Variants in XPR1 observed in about 807,000 individuals in gnomAD.
XPR1 encodes the protein xenotropic and polytropic retrovirus receptor 1, also known as solute carrier family 53 member 1.
In XPR1, 28 loss-of-function variants were observed where a neutral mutation model predicts 87.5. The ratio of observed to expected loss-of-function variants is 0.32; its 90% CI spans 0.24 to 0.44. XPR1 has a LOEUF of 0.44. Ranked by LOEUF, XPR1 falls within the 20% of genes least tolerant of loss-of-function variation. The pLI is 1.00. For synonymous variants in XPR1, 300 were observed against 306.1 expected, an observed-to-expected ratio of 0.98 and a Z score of 0.21; for missense variants, 559 against 862.3, an observed-to-expected ratio of 0.65 and a Z score of 4.41.
chr1:180,825,000 A>C, intron 8 of XPR1, 57 bp downstream of exon 8: 1 of 1,563,062 alleles, frequency 6.4e-7, no homozygotes, highest in Non-Finnish European at 8.7e-7. Flanking sequence ...CTATATAGCT[A>C]TCTGGTTTAG....
chr1:180,686,336 A>C (rs1345654088), intron 2 of XPR1, among the ~76,000 whole-genome samples: 1 of 152,100 alleles, frequency 6.6e-6, no homozygotes, highest in Admixed American at 6.5e-5. Context: ...GTTTGATTGC[A>C]CTGTGGTCTG....
chr1:180,817,284 T>G (rs1184076597), intron 7 of XPR1, among the ~76,000 whole-genome samples: 1 of 151,794 alleles, frequency 6.6e-6, no homozygotes, highest in Non-Finnish European at 1.5e-5. Context: ...AAGGTTAATT[T>G]ATTATTGAAG....
chr1:180,683,405 G>A (rs889963881), intron 2 of XPR1, among the ~76,000 whole-genome samples: 1 of 152,104 alleles, frequency 6.6e-6, no homozygotes, highest in Admixed American at 6.5e-5. Flanking sequence ...TTGCTATTGT[G>A]AATAGTGCTG....
intron 2 of XPR1, among the ~76,000 whole-genome samples, chr1:180,703,081 T>C (rs1195559122): frequency 6.6e-6 from 1 of 152,188 alleles, no homozygotes; most frequent in Non-Finnish European, 1.5e-5. Flanking sequence ...AGTTTCTCAT[T>C]GGCTTAGACT....
chr1:180,676,378 C>A (rs1205661083), intron 1 of XPR1, among the ~76,000 whole-genome samples: 4 of 152,146 alleles, frequency 2.6e-5, no homozygotes, highest in African/African-American at 4.8e-5. Context: ...ACATTTGAAT[C>A]TCTGATATTA....
At chr1:180,832,146 G>A (rs1651088760) in intron 9 of XPR1, among the ~76,000 whole-genome samples, 2 of 152,216 alleles carry the variant, frequency 1.3e-5, no homozygotes, top group African/African-American at 4.8e-5. Context: ...CTAATGACCA[G>A]TAATGATGAG....
chr1:180,632,133 T>G lies in XPR1; in HGVS notation c.-69T>G. The G allele has an allele frequency of 6.5e-7, 1 of 1,536,182 alleles. No homozygotes were observed. The highest frequency in any genetic ancestry group is 1.4e-5 in the African/African-American group (1 of 71,228). ...GCGCCGGGGCCCATGTGGGGAGGAGTCGGAGTCGCTGTTGCCGCCGCCGCC... is the reference window on the plus strand; with the variant it reads ...GCGCCGGGGCCCATGTGGGGAGGAGGCGGAGTCGCTGTTGCCGCCGCCGCC... On this transcript the variant is annotated 5_prime_UTR_variant, in exon 1 of 15. Transcript: ENST00000367590.
rs946877755 is a variant in XPR1 at position 180,803,676 on chromosome 1, G to C, written c.447+65G>C. The C allele has an allele frequency of 6.6e-6, 9 of 1,357,346 alleles. No homozygotes were observed. The South Asian group carries it at 1.2e-4, about 18-fold the overall frequency. The allele number at this position is 1,357,346 out of a possible 1,614,324, so 84.1% of individuals were successfully genotyped here. On this transcript the variant is annotated intron_variant, in intron 4 of 14. Coordinates refer to ENST00000367590, the MANE Select transcript of XPR1 (RefSeq NM_004736.4). ...AAATGAGAAATTTCAATAAATGGAA[G>C]TACCCTAAAGTATTACCAGTGGGTC... is the stretch of plus-strand genomic sequence containing the variant.
intron 1 of XPR1, among the ~76,000 whole-genome samples, chr1:180,633,207 T>A (rs937189505): frequency 1.3e-5 from 2 of 152,204 alleles, no homozygotes; most frequent in Admixed American, 1.3e-4. Context: ...AAAATAAAGA[T>A]AATGAACCCA....
intron 10 of XPR1, 44 bp downstream of exon 10, chr1:180,835,089 A>G (rs1161863451): frequency 6.3e-7 from 1 of 1,582,996 alleles, no homozygotes; most frequent in Non-Finnish European, 8.6e-7. Flanking sequence ...CGCTGGTGTA[A>G]ACCAAGATAT....
Position 180,887,678 on chromosome 1 carries a change from T to C in XPR1, c.*3612T>C, listed in dbSNP as rs188447305. The C allele has an allele frequency of 6.6e-6, 1 of 152,340 alleles. No individual in the cohort carries two copies. Among genetic ancestry groups the C allele is most frequent in the East Asian group, 1.9e-4 (1 of 5,190 alleles). 9.4% of individuals were successfully genotyped at this position (152,340 alleles called of 1,614,324 possible). On this transcript the variant is annotated 3_prime_UTR_variant, in exon 15 of 15. Coordinates refer to ENST00000367590, the MANE Select transcript of XPR1 (RefSeq NM_004736.4). Reference sequence around the variant, plus strand: ...GAAGCAAAGGTGTGGGAGAACACCATTCACCTCAGTAGTAACTTATAAAAA... The same window carrying C: ...GAAGCAAAGGTGTGGGAGAACACCACTCACCTCAGTAGTAACTTATAAAAA...
intron 2 of XPR1, among the ~76,000 whole-genome samples, chr1:180,705,429 A>T (rs6681878): frequency 0.043 from 6,551 of 152,236 alleles, 505 homozygotes; most frequent in African/African-American, 0.15. Flanking sequence ...TGAGATGCCT[A>T]TATTTACTCT....
At chr1:180,872,541 C>G (rs1652532763) in intron 12 of XPR1, among the ~76,000 whole-genome samples, 2 of 72,362 alleles carry the variant, frequency 2.8e-5, no homozygotes, top group African/African-American at 1.1e-4. Context: ...TTAAGCCGGT[C>G]TGAAAAGCGC....
At chr1:180,742,879 A>G (rs1393183429) in intron 2 of XPR1, among the ~76,000 whole-genome samples, 1 of 151,972 alleles carries the variant, frequency 6.6e-6, no homozygotes, top group African/African-American at 2.4e-5. Flanking sequence ...CTTTTATGAG[A>G]TGTGATATCT....
At chr1:180,880,996 G>T (rs953623965) in intron 14 of XPR1, among the ~76,000 whole-genome samples, 5 of 152,078 alleles carry the variant, frequency 3.3e-5, no homozygotes, top group African/African-American at 1.2e-4. Context: ...AAAGGATAAG[G>T]GAGTGAATAG....
intron 1 of XPR1, among the ~76,000 whole-genome samples, chr1:180,676,454 T>TA (rs1471211466): frequency 8.5e-5 from 13 of 152,350 alleles, no homozygotes; most frequent in African/African-American, 3.1e-4. Context: ...CCTTTCTCGT[T>TA]ACATTTTTCT....
intron 2 of XPR1, 112 bp from the exon 3 acceptor site, chr1:180,787,641 C>A: frequency 1.4e-6 from 1 of 719,768 alleles, no homozygotes; most frequent in Non-Finnish European, 2.3e-6. Context: ...CAGAGAAATA[C>A]ATATAAAGTT....
At chr1:180,686,558 G>A (rs751136282) in intron 2 of XPR1, among the ~76,000 whole-genome samples, 6 of 152,078 alleles carry the variant, frequency 3.9e-5, no homozygotes, top group Non-Finnish European at 7.4e-5. Context: ...TTTCTGTCTC[G>A]TTGATCTGTC....
At chr1:180,749,884 C>T (rs1046075420) in intron 2 of XPR1, among the ~76,000 whole-genome samples, 1 of 152,088 alleles carries the variant, frequency 6.6e-6, no homozygotes, top group East Asian at 1.9e-4. Context: ...TCACTTTTCA[C>T]CAGTATTAAA....
Sources: gnomAD v4.1 joint callset for allele counts (sites outside exome capture counted in the v4.1 genomes callset) on GRCh38, gnomAD v4.1.1 for gene constraint, MANE v1.5 for transcripts, NCBI Gene and HGNC (gene_info 2026-07-23, HGNC 2026-07-21) for gene names.